CBFA2T2: variants seen among roughly 807,000 people sequenced by gnomAD.
The protein encoded by CBFA2T2 is protein CBFA2T2.
CBFA2T2 carries 11 observed loss-of-function variants against 62.2 expected under a neutral mutation model. The observed-to-expected ratio is 0.18, with a 90% confidence interval of 0.11 to 0.29. The LOEUF (loss-of-function observed/expected upper bound fraction) is 0.29. Ranked by LOEUF, CBFA2T2 falls within the 10% of genes least tolerant of loss-of-function variation. The pLI, the probability that CBFA2T2 is intolerant of heterozygous loss-of-function variation, is 1.00. For synonymous variants in CBFA2T2, 295 were observed against 287.5 expected (o/e 1.03, Z -0.27); for missense variants, 592 against 774.1 (o/e 0.76, Z 2.79).
chr20:33,636,617 T>C, intron 8 of CBFA2T2, 23 bp from the exon 9 acceptor site: 1 of 1,598,560 alleles, frequency 6.3e-7, no homozygotes, highest in Non-Finnish European at 8.6e-7. Flanking sequence ...TCTGACCCTA[T>C]GCTTTTTATG....
In CBFA2T2 at chr20:33,490,190, C is replaced by T; in HGVS notation, c.-78C>T. 8.4e-7 allele frequency: 1 copy of T among 1,196,726 alleles called. No homozygotes were observed. The highest frequency in any genetic ancestry group is 1.0e-6 in the Non-Finnish European group (1 of 964,590). The allele number at this position is 1,196,726 out of a possible 1,614,324, so 74.1% of individuals were successfully genotyped here. A position where few individuals can be genotyped will look rare whatever the true frequency, so the allele number is the denominator to read the frequency against. On this transcript the variant is annotated 5_prime_UTR_variant, in exon 1 of 11. Coordinates refer to ENST00000342704, the MANE Select transcript of CBFA2T2 (RefSeq NM_001032999.3). ...CGACGCCTGCGAGGGACCCGGGCCG[C>T]GGGTCGAGGCGGGCGGCGCCTGCGA...
rs544033961 is a variant in CBFA2T2 at position 33,555,473 on chromosome 20, A to G, written c.35-51483A>G. Among the ~76,000 whole-genome samples, 4 of 152,264 alleles carry G rather than the reference A, an allele frequency of 2.6e-5. No homozygotes were observed. The South Asian group carries it at 8.3e-4, about 32-fold the overall frequency. Reference sequence around the variant, plus strand: ...TTTGTTTTGTTTTTGATACAGTAAAATACTTAGGAGTTCTTGCAACTTTCT... The same window carrying G: ...TTTGTTTTGTTTTTGATACAGTAAAGTACTTAGGAGTTCTTGCAACTTTCT... On this transcript the variant is annotated intron_variant, in intron 1 of 10. Coordinates refer to ENST00000342704, the MANE Select transcript of CBFA2T2 (RefSeq NM_001032999.3).
intron 1 of CBFA2T2, among the ~76,000 whole-genome samples, chr20:33,555,735 AT>A (rs1413177207): frequency 6.6e-6 from 1 of 152,226 alleles, no homozygotes; most frequent in African/African-American, 2.4e-5. Flanking sequence ...CACAGACTAT[AT>A]TCAGGTTTTA....
At chr20:33,592,579 G>T (rs1039984509) in intron 1 of CBFA2T2, among the ~76,000 whole-genome samples, 1 of 151,676 alleles carries the variant, frequency 6.6e-6, no homozygotes, top group South Asian at 2.1e-4. Context: ...ATGCAACATC[G>T]CCAGGCATTG....
intron 1 of CBFA2T2, among the ~76,000 whole-genome samples, chr20:33,563,706 T>C (rs1568821169): frequency 6.6e-6 from 1 of 152,186 alleles, no homozygotes; most frequent in Non-Finnish European, 1.5e-5. Flanking sequence ...GATGTTGTTA[T>C]TGGGGAAATT....
chr20:33,543,825 A>T (rs965976999), intron 1 of CBFA2T2, among the ~76,000 whole-genome samples: 12 of 151,020 alleles, frequency 7.9e-5, no homozygotes, highest in African/African-American at 2.2e-4. Context: ...AAATTAAATT[A>T]AATTAATTAA....
intron 1 of CBFA2T2, among the ~76,000 whole-genome samples, chr20:33,545,512 G>A (rs963082786): frequency 7.5e-6 from 1 of 133,182 alleles, no homozygotes; most frequent in African/African-American, 3.1e-5. Flanking sequence ...GCAATGGCAC[G>A]ATCTCGCCTC....
At chr20:33,491,578 G>T (rs141730019) in intron 1 of CBFA2T2, among the ~76,000 whole-genome samples, 109 of 152,146 alleles carry the variant, frequency 7.2e-4, no homozygotes, top group Middle Eastern at 3.4e-3. Context: ...AGAAAAAGTA[G>T]ATACACCCAG....
chr20:33,582,218 C>T (rs892036863), intron 1 of CBFA2T2, among the ~76,000 whole-genome samples: 8 of 152,180 alleles, frequency 5.3e-5, no homozygotes, highest in South Asian at 2.1e-4. Flanking sequence ...AGCAGCCGGG[C>T]GCGGTGGCTC....
At chr20:33,502,398 A>G (rs1356609423) in intron 1 of CBFA2T2, among the ~76,000 whole-genome samples, 1 of 140,390 alleles carries the variant, frequency 7.1e-6, no homozygotes, top group East Asian at 2.1e-4. Context: ...TCTGCTCTTC[A>G]TTTTTTTTTT....
In CBFA2T2 at chr20:33,607,795, T is replaced by C. The variant is rs549020899; in HGVS notation, c.178+696T>C. Among the ~76,000 whole-genome samples, 56 of 152,296 alleles carry C rather than the reference T, an allele frequency of 3.7e-4. 1 individual carries two copies. In the South Asian group the frequency reaches 9.7e-3, roughly 26 times the overall value. ...CTCTTCAAAGTATCTCCAAATATAG[T>C]CCTATTCTGAGGTACAAGGGGTAAG... On this transcript the variant is annotated intron_variant, in intron 2 of 10. Coordinates refer to ENST00000342704, the MANE Select transcript of CBFA2T2 (RefSeq NM_001032999.3).
chr20:33,553,781 T>C (rs182603980), intron 1 of CBFA2T2, among the ~76,000 whole-genome samples: 1 of 152,346 alleles, frequency 6.6e-6, no homozygotes, highest in East Asian at 1.9e-4. Context: ...TGTTATGCAA[T>C]CTTGCAAATC....
intron 1 of CBFA2T2, among the ~76,000 whole-genome samples, chr20:33,501,555 G>GAAATTC (rs1001336353): frequency 6.9e-6 from 1 of 145,948 alleles, no homozygotes; most frequent in Non-Finnish European, 1.5e-5. Context: ...GCCAATTGCT[G>GAAATTC]AAATTCAGCT....
intron 1 of CBFA2T2, among the ~76,000 whole-genome samples, chr20:33,528,999 A>G (rs187506152): frequency 3.9e-5 from 6 of 151,970 alleles, no homozygotes; most frequent in Admixed American, 3.9e-4. Context: ...AGTTTGCACT[A>G]CGCGTGGACC....
chr20:33,616,170 GATACATAC>G (rs1341711082), intron 3 of CBFA2T2, among the ~76,000 whole-genome samples: 1 of 152,080 alleles, frequency 6.6e-6, no homozygotes, highest in South Asian at 2.1e-4. Flanking sequence ...TATAGATATA[GATACATAC>G]ATACATATAC....
intron 1 of CBFA2T2, among the ~76,000 whole-genome samples, chr20:33,606,254 A>G (rs572818051): frequency 2.0e-5 from 3 of 152,336 alleles, no homozygotes; most frequent in Non-Finnish European, 4.4e-5. Context: ...GTTAAAGAAA[A>G]TGCATTTGAG....
chr20:33,514,836 A>G (rs1375114537), intron 1 of CBFA2T2, among the ~76,000 whole-genome samples: 1 of 151,688 alleles, frequency 6.6e-6, no homozygotes, highest in Non-Finnish European at 1.5e-5. Context: ...AGCTGGGACT[A>G]CTGGTGCCTG....
At chr20:33,529,903 G>C (rs1239998759) in intron 1 of CBFA2T2, among the ~76,000 whole-genome samples, 1 of 151,070 alleles carries the variant, frequency 6.6e-6, no homozygotes, top group Non-Finnish European at 1.5e-5. Context: ...TCCTGCCTCA[G>C]CCTCCCAAGT....
chr20:33,563,504 G>C (rs972618058), intron 1 of CBFA2T2, among the ~76,000 whole-genome samples: 22 of 152,028 alleles, frequency 1.4e-4, no homozygotes, highest in African/African-American at 5.1e-4. Context: ...CACTGCACCT[G>C]GCCACTTTTT....
Sources: gnomAD v4.1 joint callset for allele counts (sites outside exome capture counted in the v4.1 genomes callset) on GRCh38, gnomAD v4.1.1 for gene constraint, MANE v1.5 for transcripts, NCBI Gene and HGNC (gene_info 2026-07-23, HGNC 2026-07-21) for gene names.